Variants in IRF3 observed in about 807,000 individuals in gnomAD.
IRF3 encodes interferon regulatory factor 3.
In IRF3, 29 loss-of-function variants were observed where a neutral mutation model predicts 43.2. That is an observed-to-expected ratio of 0.67 (90% CI 0.50 to 0.91). The LOEUF (loss-of-function observed/expected upper bound fraction) is 0.91. IRF3 is among the 40% of genes least tolerant of loss of function. IRF3 has a pLI of 0.00. For missense variants in IRF3, 505 were observed against 559.1 expected (o/e 0.90, Z 0.98); for synonymous variants, 228 against 233.9 (o/e 0.97, Z 0.23).
intron 2 of IRF3, 54 bp from the exon 3 acceptor site, chr19:49,663,568 C>G: frequency 6.3e-7 from 1 of 1,577,594 alleles, no homozygotes. Flanking sequence ...GATCCTGCTC[C>G]TGGGGCCCTA....
At position 49,664,860 on chromosome 19, in the gene IRF3, G is replaced by T. The variant is rs889097349; in HGVS notation, c.-8-14C>A. The T allele has an allele frequency of 2.5e-6, 4 of 1,599,266 alleles. No individual in the cohort carries two copies. In the African/African-American group the frequency reaches 4.0e-5, roughly 16 times the overall value. Reference sequence around the variant, plus strand: ...CCATGGTCCGGCCTGCGCGTATAGGGCATTTCCTGGGCGCGACCGGCCTCC... The same window carrying T: ...CCATGGTCCGGCCTGCGCGTATAGGTCATTTCCTGGGCGCGACCGGCCTCC... On this transcript the variant is annotated splice_polypyrimidine_tract_variant and intron_variant, in intron 1 of 7. Coordinates refer to ENST00000377139, the MANE Select transcript of IRF3 (RefSeq NM_001571.6).
chr19:49,664,071 G>A (rs1227788706), intron 2 of IRF3, among the ~76,000 whole-genome samples: 1 of 152,108 alleles, frequency 6.6e-6, no homozygotes, highest in Non-Finnish European at 1.5e-5. Flanking sequence ...AGCCTATGTT[G>A]CCCAAGCTGG....
chr19:49,665,595 A>G (rs1472096432), intron 1 of IRF3, 36 bp downstream of exon 1: 3 of 545,934 alleles, frequency 5.5e-6, no homozygotes, highest in Non-Finnish European at 6.5e-6. Flanking sequence ...TCGCTCTCGG[A>G]CGCCACCAAC....
chr19:49,662,072 C>T lies in IRF3; in HGVS notation c.858G>A (p.Leu286=), dbSNP rs1179419880. Residue 286 remains leucine (L), a synonymous_variant, in exon 6 of 8, where the codon CTG becomes CTA. Transcript: ENST00000377139. ...CTGCCCAGTATGTGTGGCAGTGCCC[C>T]AGCCGCTGGGCCCAGAGCCACTGCC... ...RAGQWLWAQR[L]GHCHTYWAVS... is the part of the protein sequence containing the mutation. 34 of 1,613,888 alleles carry T rather than the reference C, an allele frequency of 2.1e-5. No homozygotes were observed. The East Asian group carries it at 7.4e-4, about 35-fold the overall frequency.
In IRF3 at chr19:49,662,592, C is replaced by T; in HGVS notation, c.434G>A (p.Gly145Asp). ...TQEDILDELL[G>D]NMVLAPLPDP... is the part of the protein sequence containing the mutation. The stretch of plus-strand genomic sequence containing the variant: ...TGGGAGTGGGGCCAACACCATGTTA[C>T]CCAGTAACTCATCCAGAATGTCTTC... Residue 145 changes from glycine to aspartate, a missense_variant, in exon 5 of 8, where the codon GGT becomes GAT. Physicochemically the swap from Gly to Asp is moderately conservative, Grantham distance 94. Transcript: ENST00000377139. The T allele has an allele frequency of 6.5e-7, 1 of 1,529,052 alleles. No individual in the cohort carries two copies. Among genetic ancestry groups the T allele is most frequent in the Non-Finnish European group, 8.8e-7 (1 of 1,141,716 alleles). 94.7% of individuals were successfully genotyped at this position (1,529,052 alleles called of 1,614,324 possible).
rs888397849 is a variant in IRF3 at position 49,665,597 on chromosome 19, G to A, written c.-9+34C>T. 5 of 545,720 alleles carry A rather than the reference G, an allele frequency of 9.2e-6. No homozygotes were observed. The Admixed American group carries it at 9.5e-5, about 10-fold the overall frequency. 33.8% of individuals were successfully genotyped at this position (545,720 alleles called of 1,614,324 possible). On this transcript the variant is annotated intron_variant, in intron 1 of 7. Transcript: ENST00000377139. The stretch of plus-strand genomic sequence containing the variant: ...TCTTTCCCGCTCCTCGCTCTCGGAC[G>A]CCACCAACGCTCTCCCGGGCTCTTC...
At chr19:49,664,472 T>G in intron 2 of IRF3, 1 of 1,534,278 alleles carries the variant, frequency 6.5e-7, no homozygotes, top group Non-Finnish European at 8.7e-7. Flanking sequence ...CCCGTAACCC[T>G]GCAGCTCCAA....
Position 49,662,533 on chromosome 19 carries a change from CAG to C in IRF3, c.491_492del (p.Pro164ArgfsTer25), listed in dbSNP as rs1486451862. The C allele has an allele frequency of 3.9e-6, 6 of 1,536,944 alleles. No individual in the cohort carries two copies. The highest frequency in any genetic ancestry group is 2.4e-5 in the East Asian group (1 of 41,584). On this transcript the variant is annotated frameshift_variant, in exon 5 of 8. Coordinates refer to ENST00000377139, the MANE Select transcript of IRF3 (RefSeq NM_001571.6). LOFTEE classifies it high-confidence loss of function. ...CTCCGCAGGGGCTGAGGGCAGGGCT[CAG>C]GGGCTACAGCCAGGCTTGGGGGTCC... The part of the protein sequence containing the change: ...DPGPPSLAVA[P>X]EPCPQPLRSP...
chr19:49,665,642 G>T lies in IRF3; in HGVS notation c.-20C>A, dbSNP rs1037911628. The T allele has an allele frequency of 2.7e-6, 2 of 735,944 alleles. No homozygotes were observed. The highest frequency in any genetic ancestry group is 4.3e-6 in the Non-Finnish European group (2 of 462,998). 45.6% of individuals were successfully genotyped at this position (735,944 alleles called of 1,614,324 possible). ...CTCTTCCGCGTTACCTACGATGGAA[G>T]GTCGGGGCGTGCGGGCAGCTGGAAC... On this transcript the variant is annotated 5_prime_UTR_variant, in exon 1 of 8. Transcript: ENST00000377139.
Position 49,660,743 on chromosome 19 carries a change from C to G in IRF3, c.1068G>C (p.Gln356His). The G allele has an allele frequency of 1.2e-6, 2 of 1,609,350 alleles. No individual in the cohort carries two copies. Among genetic ancestry groups the G allele is most frequent in the Non-Finnish European group, 1.7e-6 (2 of 1,178,208 alleles). ...CCATCACGAGCCTCTTGGTCCACGG[C>G]TGGTCCTGGGGCCATGACTCCCCCA... ...FCVGESWPQD[Q>H]PWTKRLVMVK... is the part of the protein sequence containing the mutation. Residue 356 changes from glutamine (Q) to histidine (H), a missense_variant, in exon 7 of 8, where the codon CAG (glutamine) becomes CAC (histidine). Gln to His is a conservative substitution (Grantham distance 24, BLOSUM62 0). Transcript: ENST00000377139.
intron 7 of IRF3, among the ~76,000 whole-genome samples, chr19:49,660,273 C>T (rs1037972566): frequency 6.6e-6 from 1 of 152,106 alleles, no homozygotes; most frequent in Admixed American, 6.5e-5. Flanking sequence ...AGGATGTGAG[C>T]AGCGGGTGGG....
rs1568452113 is a variant in IRF3, at chr19:49,660,029, C to CACACACA, written c.1099-197_1099-196insTGTGTGT. ...CACACACACACACACACACACACAC[C>CACACACA]CCCTGCTGTAACTGAACCATAGGCC... On this transcript the variant is annotated intron_variant, in intron 7 of 7. Coordinates refer to ENST00000377139, the MANE Select transcript of IRF3 (RefSeq NM_001571.6). Among the ~76,000 whole-genome samples the CACACACA allele has an allele frequency of 6.8e-4, 33 of 48,562 alleles. 2 individuals carry two copies. Among genetic ancestry groups the CACACACA allele is most frequent in the African/African-American group, 1.3e-3 (7 of 5,306 alleles). 31.9% of individuals were successfully genotyped at this position (48,562 alleles called of 152,430 possible).
rs756176484 is a variant in IRF3, at chr19:49,659,603, G to A, written c.*45C>T. The A allele has an allele frequency of 1.3e-6, 2 of 1,578,538 alleles. No homozygotes were observed. Among genetic ancestry groups the A allele is most frequent in the Admixed American group, 1.9e-5 (1 of 53,618 alleles). On this transcript the variant is annotated 3_prime_UTR_variant, in exon 8 of 8. Transcript: ENST00000377139. ...CAGGAACCAGTTTATTGGTTGAGGT[G>A]GTGGGGAACAGGGGGGTTGGAGGCA...
intron 4 of IRF3, among the ~76,000 whole-genome samples, chr19:49,662,972 T>C (rs1287227764): frequency 1.3e-5 from 2 of 152,246 alleles, no homozygotes; most frequent in East Asian, 3.9e-4. Context: ...TCGAAATCCA[T>C]GAAATCCCGG....
rs540243076 is a variant in IRF3, at chr19:49,661,386, C to A, written c.983-558G>T. 10 of 156,202 alleles carry A rather than the reference C, an allele frequency of 6.4e-5. No individual in the cohort carries two copies. The South Asian group carries it at 1.9e-3, about 30-fold the overall frequency. The allele number at this position is 156,202 out of a possible 1,614,324, so 9.7% of individuals were successfully genotyped here. ...TTGGTCTGTTCACCATCATTAGTTACGATGATGATGACAGTGGCAGCTAAT... is the reference window on the plus strand; with the variant it reads ...TTGGTCTGTTCACCATCATTAGTTAAGATGATGATGACAGTGGCAGCTAAT... On this transcript the variant is annotated intron_variant, in intron 6 of 7. Transcript: ENST00000377139.
chr19:49,661,840 A>C (rs1274171062), intron 6 of IRF3, 108 bp downstream of exon 6: 19 of 1,360,492 alleles, frequency 1.4e-5, no homozygotes, highest in Non-Finnish European at 1.8e-5. Flanking sequence ...CAGCCTCCCA[A>C]AGTGCTGGGA....
rs755755068 is a variant in IRF3, at chr19:49,660,672, G to A, written c.1098+41C>T. 4.6e-6 allele frequency: 7 copies of A among 1,516,848 alleles called. No homozygotes were observed. The South Asian group carries it at 7.6e-5, about 16-fold the overall frequency. The allele number at this position is 1,516,848 out of a possible 1,614,324, so 94.0% of individuals were successfully genotyped here. On this transcript the variant is annotated intron_variant, in intron 7 of 7. Transcript: ENST00000377139. ...TGGGAGCAACCTCTTCCCTCTGTAAGGCCACCCCTTTCAGCCCCAGGGACT... is the reference window on the plus strand; with the variant it reads ...TGGGAGCAACCTCTTCCCTCTGTAAAGCCACCCCTTTCAGCCCCAGGGACT...
rs972411835 is a variant in IRF3 at position 49,660,081 on chromosome 19, CACACACACACAA to C, written c.1099-260_1099-249del. ...AGGGCTGCTGGGAGTTGTAGTTTTA[CACACACACACAA>C]ACACACACACACACACACGTCAGGG... On this transcript the variant is annotated intron_variant, in intron 7 of 7. Transcript: ENST00000377139. 6.6e-5 allele frequency among the ~76,000 whole-genome samples: 10 copies of C among 150,396 alleles called. No homozygotes were observed. In the East Asian group the frequency reaches 9.7e-4, roughly 15 times the overall value.
Position 49,663,179 on chromosome 19 carries a change from C to T in IRF3, c.408+9G>A, listed in dbSNP as rs766869324. ...GACTGAGGGGCATGAAAGTTGGGCACATTCTCACCTGGGTATCAGAAGTAC... is the reference window on the plus strand; with the variant it reads ...GACTGAGGGGCATGAAAGTTGGGCATATTCTCACCTGGGTATCAGAAGTAC... On this transcript the variant is annotated intron_variant, in intron 4 of 7. Coordinates refer to ENST00000377139, the MANE Select transcript of IRF3 (RefSeq NM_001571.6). 1.9e-6 allele frequency: 3 copies of T among 1,612,814 alleles called. No individual in the cohort carries two copies. Among genetic ancestry groups the T allele is most frequent in the Non-Finnish European group, 1.7e-6 (2 of 1,178,872 alleles).
Sources: allele counts gnomAD v4.1 joint callset (sites outside exome capture counted in the v4.1 genomes callset), GRCh38; gene constraint gnomAD v4.1.1; transcripts MANE v1.5; gene names NCBI Gene and HGNC (gene_info 2026-07-23, HGNC 2026-07-21).